Variants in COQ10B observed in about 807,000 individuals in gnomAD.
COQ10B encodes the protein coenzyme Q10B.
Under a neutral mutation model 27.6 loss-of-function variants are expected in COQ10B, and 12 were observed. The ratio of observed to expected loss-of-function variants is 0.43; its 90% CI spans 0.28 to 0.70. The LOEUF (loss-of-function observed/expected upper bound fraction) is 0.70, where lower values mean the gene tolerates loss of function less well. Among genes scored for constraint, COQ10B ranks in the 30% least tolerant of loss-of-function variants. The pLI is 0.17. For synonymous variants in COQ10B, 115 were observed against 103.0 expected (o/e 1.12, Z -0.71); for missense variants, 278 against 288.7 (o/e 0.96, Z 0.27).
chr2:197,470,876 CAA>C (rs1033736698), intron 4 of COQ10B, among the ~76,000 whole-genome samples: 9 of 152,282 alleles, frequency 5.9e-5, no homozygotes, highest in African/African-American at 9.6e-5. Flanking sequence ...GCCTGGGCAA[CAA>C]GAGCAAAACT....
At chr2:197,461,755 C>G (rs1004130814) in intron 2 of COQ10B, among the ~76,000 whole-genome samples, 2 of 151,990 alleles carry the variant, frequency 1.3e-5, no homozygotes, top group Non-Finnish European at 2.9e-5. Context: ...AATCTCATGT[C>G]TCAGCCTCCC....
intron 1 of COQ10B, among the ~76,000 whole-genome samples, chr2:197,454,486 A>T (rs953866571): frequency 2.0e-5 from 3 of 152,084 alleles, no homozygotes; most frequent in South Asian, 2.1e-4. Flanking sequence ...CAAGGAAATA[A>T]TTTTTTTAAA....
intron 4 of COQ10B, among the ~76,000 whole-genome samples, chr2:197,470,984 T>C (rs1015569421): frequency 6.6e-6 from 1 of 152,176 alleles, no homozygotes; most frequent in Non-Finnish European, 1.5e-5. Context: ...GCAGATCACT[T>C]GAGTCCAAGG....
At chr2:197,468,772 ACTT>A (rs2085850768) in intron 3 of COQ10B, among the ~76,000 whole-genome samples, 1 of 152,150 alleles carries the variant, frequency 6.6e-6, no homozygotes, top group Non-Finnish European at 1.5e-5. Context: ...AGCCTGGGCA[ACTT>A]AGGGAGAACA....
intron 3 of COQ10B, among the ~76,000 whole-genome samples, chr2:197,468,556 A>G (rs1400154364): frequency 6.6e-6 from 1 of 152,166 alleles, no homozygotes; most frequent in Non-Finnish European, 1.5e-5. Flanking sequence ...AAATGATTGT[A>G]AAGAAGGGCA....
At chr2:197,454,176 T>TG in intron 1 of COQ10B, 1 of 1,513,132 alleles carries the variant, frequency 6.6e-7, no homozygotes, top group Non-Finnish European at 8.9e-7. Flanking sequence ...ATAAGGGACT[T>TG]GGATTTTTTC....
Position 197,460,036 on chromosome 2 carries a change from C to A in COQ10B, c.209C>A (p.Pro70Gln). The change falls in exon 2 of 5, where the codon CCA (proline) becomes CAA (glutamine). Residue 70 changes from proline to glutamine, a missense_variant. By Grantham distance (76) the Pro-to-Gln change is moderately conservative (BLOSUM62 -1). Around this residue, in one of 3 missense-constraint regions of COQ10B, gnomAD observed 183 missense variants for 158.2 expected, o/e 1.16. Transcript: ENST00000263960. Reference protein sequence around the residue: ...CARTFFKITAPLINKRKEYSE... With the variant: ...CARTFFKITAQLINKRKEYSE... The stretch of plus-strand genomic sequence containing the variant: ...CGAACTTTCTTCAAAATCACTGCAC[C>A]ATTAATAAACAAAAGGAAAGAATAT... 1 of 1,609,948 alleles carries A rather than the reference C, an allele frequency of 6.2e-7. No homozygotes were observed. Among genetic ancestry groups the A allele is most frequent in the African/African-American group, 1.3e-5 (1 of 74,758 alleles).
At chr2:197,473,446 A>ACG (rs1559296077) in intron 4 of COQ10B, among the ~76,000 whole-genome samples, 2 of 116,922 alleles carry the variant, frequency 1.7e-5, no homozygotes, top group African/African-American at 3.1e-5. Context: ...ATATATACAC[A>ACG]TATATACATA....
At chr2:197,454,569 G>A (rs948216333) in intron 1 of COQ10B, among the ~76,000 whole-genome samples, 1 of 151,918 alleles carries the variant, frequency 6.6e-6, no homozygotes, top group African/African-American at 2.4e-5. Flanking sequence ...ACAAATGTTG[G>A]ATGAGACAAA....
intron 4 of COQ10B, among the ~76,000 whole-genome samples, chr2:197,473,415 A>ATATATATATATAT (rs1553575308): frequency 1.7e-5 from 1 of 59,520 alleles, no homozygotes; most frequent in Non-Finnish European, 2.9e-5. Flanking sequence ...AAAAAAAAAA[A>ATATATATATATAT]ATATATATAT....
At position 197,462,035 on chromosome 2, in the gene COQ10B, C is replaced by T. The variant is rs560895471; in HGVS notation, c.255-504C>T. 1.9e-4 allele frequency among the ~76,000 whole-genome samples: 29 copies of T among 152,028 alleles called. 1 individual carries two copies. In the South Asian group the frequency reaches 5.4e-3, roughly 28 times the overall value. On this transcript the variant is annotated intron_variant, in intron 2 of 4. Coordinates refer to ENST00000263960, the MANE Select transcript of COQ10B (RefSeq NM_025147.5). The stretch of plus-strand genomic sequence containing the variant: ...CTGTAATCCCAGCACTTTGGGAGGC[C>T]GAGGTGGGCGGATCACCAGGTCAGG...
intron 2 of COQ10B, among the ~76,000 whole-genome samples, chr2:197,461,136 A>C (rs1044789153): frequency 8.5e-5 from 13 of 152,176 alleles, no homozygotes; most frequent in African/African-American, 3.1e-4. Flanking sequence ...CACCTTTATT[A>C]CTAGCTAGTC....
chr2:197,460,026 A>G lies in COQ10B; in HGVS notation c.199A>G (p.Ile67Val). The G allele has an allele frequency of 6.2e-7, 1 of 1,612,066 alleles. No homozygotes were observed. The highest frequency in any genetic ancestry group is 8.5e-7 in the Non-Finnish European group (1 of 1,178,496). The change falls in exon 2 of 5, where the codon ATC (isoleucine) becomes GTC (valine). Residue 67 changes from isoleucine to valine, a missense_variant. By Grantham distance (29) the Ile-to-Val change is conservative. This residue lies in a region of COQ10B where 183 missense variants were observed against 158.2 expected (regional missense o/e 1.16). Coordinates refer to ENST00000263960, the MANE Select transcript of COQ10B (RefSeq NM_025147.5). ...GATATGTGCACGAACTTTCTTCAAA[A>G]TCACTGCACCATTAATAAACAAAAG... is the stretch of plus-strand genomic sequence containing the variant. ...KEICARTFFK[I>V]TAPLINKRKE...
intron 3 of COQ10B, among the ~76,000 whole-genome samples, chr2:197,463,209 C>T (rs1349665057): frequency 1.3e-5 from 2 of 152,184 alleles, no homozygotes; most frequent in Non-Finnish European, 2.9e-5. Context: ...CGCTGTGGCT[C>T]ACGCCTTTAA....
chr2:197,453,907 G>A (rs2085666161), intron 1 of COQ10B: 1 of 1,514,032 alleles, frequency 6.6e-7, no homozygotes, highest in African/African-American at 1.4e-5. Context: ...TCGGCGAAGC[G>A]ACTTTGGAAG....
chr2:197,466,578 A>G (rs2106054165), intron 3 of COQ10B, among the ~76,000 whole-genome samples: 1 of 152,338 alleles, frequency 6.6e-6, no homozygotes, highest in Non-Finnish European at 1.5e-5. Flanking sequence ...TTACTTATGA[A>G]GCTTTCACTA....
intron 4 of COQ10B, among the ~76,000 whole-genome samples, chr2:197,472,870 G>T (rs2085893674): frequency 6.6e-6 from 1 of 150,778 alleles, no homozygotes; most frequent in Non-Finnish European, 1.5e-5. Context: ...AGGCACACAT[G>T]TGCATGCACA....
At chr2:197,473,437 TATATACACATATATAC>T (rs2085903446) in intron 4 of COQ10B, among the ~76,000 whole-genome samples, 1 of 98,318 alleles carries the variant, frequency 1.0e-5, no homozygotes. Flanking sequence ...TATATATATA[TATATACACATATATAC>T]ATATATATAT....
chr2:197,454,316 T>TA, intron 1 of COQ10B: 1 of 534,528 alleles, frequency 1.9e-6, no homozygotes, highest in Non-Finnish European at 3.3e-6. Context: ...TTGTACGACT[T>TA]AGTTTCCTTT....
Sources: gnomAD v4.1 joint callset for allele counts (sites outside exome capture counted in the v4.1 genomes callset) on GRCh38, gnomAD v4.1.1 for gene constraint, gnomAD v4.1.1 regional missense constraint, MANE v1.5 for transcripts, NCBI Gene and HGNC (gene_info 2026-07-23, HGNC 2026-07-21) for gene names.